The following SAMSN1 variants were observed in gnomAD, a reference collection of about 807,000 sequenced individuals.
SAMSN1 encodes the protein SAM domain-containing protein SAMSN-1.
SAMSN1 carries 31 observed loss-of-function variants against 42.0 expected under a neutral mutation model. The observed-to-expected ratio is 0.74, with a 90% CI of 0.55 to 1.00. The LOEUF (loss-of-function observed/expected upper bound fraction) is 1.00, where lower values mean the gene tolerates loss of function less well. Among genes scored for constraint, SAMSN1 ranks in the 50% least tolerant of loss-of-function variants. The pLI, the probability that SAMSN1 is intolerant of heterozygous loss-of-function variation, is 0.00. For missense variants in SAMSN1, 464 were observed against 439.4 expected, an observed-to-expected ratio of 1.06 and a Z score of -0.50; for synonymous variants, 178 against 151.9, an observed-to-expected ratio of 1.17 and a Z score of -1.26.
intron 2 of SAMSN1, among the ~76,000 whole-genome samples, chr21:14,637,556 CTGTT>C (rs1237403218): frequency 2.6e-5 from 4 of 152,142 alleles, no homozygotes; most frequent in South Asian, 2.1e-4. Context: ...GTTTGGGTAT[CTGTT>C]TGTCTTCAGG....
intron 2 of SAMSN1, among the ~76,000 whole-genome samples, chr21:14,580,453 C>T (rs138169064): frequency 2.5e-3 from 377 of 152,300 alleles, no homozygotes; most frequent in Non-Finnish European, 4.1e-3. Flanking sequence ...CTTGATCCTG[C>T]TTCTGAAGAT....
At chr21:14,655,839 C>T (rs1030177654) in intron 1 of SAMSN1, among the ~76,000 whole-genome samples, 2 of 151,690 alleles carry the variant, frequency 1.3e-5, no homozygotes, top group East Asian at 3.9e-4. Context: ...ATTATTTGTA[C>T]AGAAAATCTG....
upstream of SAMSN1, among the ~76,000 whole-genome samples, chr21:14,583,973 G>T (rs2822794): frequency 0.81 from 122,285 of 151,892 alleles, 49,540 homozygotes; most frequent in Admixed American, 0.85. Flanking sequence ...AACTGGCCAG[G>T]CATACTAAAG....
At chr21:14,539,172 G>A (rs1979835307) in intron 1 of SAMSN1, among the ~76,000 whole-genome samples, 1 of 152,184 alleles carries the variant, frequency 6.6e-6, no homozygotes, top group Non-Finnish European at 1.5e-5. Context: ...ATGAGTTACA[G>A]TTGTACTGAT....
chr21:14,647,480 G>T (rs1461730789), intron 1 of SAMSN1, among the ~76,000 whole-genome samples: 2 of 149,096 alleles, frequency 1.3e-5, no homozygotes, highest in African/African-American at 4.9e-5. Context: ...CTCTTTTTTG[G>T]TTCCCTATGA....
intron 1 of SAMSN1, among the ~76,000 whole-genome samples, chr21:14,545,089 T>G (rs1980300677): frequency 6.6e-6 from 1 of 152,174 alleles, no homozygotes; most frequent in South Asian, 2.1e-4. Context: ...AAACTAAAGA[T>G]GCTTGTCTAT....
intron 1 of SAMSN1, among the ~76,000 whole-genome samples, chr21:14,527,869 T>A (rs1282465646): frequency 6.6e-6 from 1 of 151,802 alleles, no homozygotes; most frequent in African/African-American, 2.4e-5. Context: ...AAGACCCAAA[T>A]GTACAACAAT....
chr21:14,658,377 C>T (rs1227994754), intron 1 of SAMSN1, among the ~76,000 whole-genome samples: 1 of 151,780 alleles, frequency 6.6e-6, no homozygotes, highest in Non-Finnish European at 1.5e-5. Context: ...ATTTTGATTC[C>T]TGGGATGTCT....
intron 7 of SAMSN1, chr21:14,592,161 C>T (rs1273613307): frequency 1.3e-5 from 2 of 152,152 alleles, no homozygotes; most frequent in Non-Finnish European, 2.9e-5. Context: ...GCGTAATATC[C>T]TCTGCTCTGA....
At chr21:14,574,905 C>T (rs1225386289) in intron 2 of SAMSN1, among the ~76,000 whole-genome samples, 2 of 152,088 alleles carry the variant, frequency 1.3e-5, no homozygotes, top group African/African-American at 4.8e-5. Flanking sequence ...AATGTGTTTG[C>T]ATGTCTGGCG....
In SAMSN1 at chr21:14,521,198, G is replaced by A. The variant is rs192978628; in HGVS notation, c.81C>T (p.Phe27=). The change falls in exon 2 of 8, where the codon TTC becomes TTT. Residue 27 remains phenylalanine, a synonymous_variant. Transcript: ENST00000400566. ...ATAAAGAATTATTCCGAAAACGATCGAAATTCCCAAAACTGCTGCTTCGCT... is the reference window on the plus strand; with the variant it reads ...ATAAAGAATTATTCCGAAAACGATCAAAATTCCCAAAACTGCTGCTTCGCT... The part of the protein sequence containing the change: ...KPKRSSSFGN[F]DRFRNNSLSK... 1.0e-4 allele frequency: 163 copies of A among 1,610,986 alleles called. No individual in the cohort carries two copies. In the African/African-American group the frequency reaches 1.7e-3, roughly 17 times the overall value.
chr21:14,509,518 C>G (rs1213021501), intron 5 of SAMSN1, among the ~76,000 whole-genome samples: 1 of 152,182 alleles, frequency 6.6e-6, no homozygotes, highest in African/African-American at 2.4e-5. Context: ...CCAAACACCC[C>G]TGTTCCCCAA....
At chr21:14,568,790 T>C (rs1177736968) in intron 2 of SAMSN1, among the ~76,000 whole-genome samples, 1 of 152,200 alleles carries the variant, frequency 6.6e-6, no homozygotes, top group Non-Finnish European at 1.5e-5. Context: ...TAAAAGGGAA[T>C]CTAGTGTCTT....
At chr21:14,614,583 T>C (rs150997723) in intron 3 of SAMSN1, among the ~76,000 whole-genome samples, 332 of 152,320 alleles carry the variant, frequency 2.2e-3, no homozygotes, top group Non-Finnish European at 3.6e-3. Context: ...ATATTCTTGA[T>C]AGTAATTAAA....
intron 4 of SAMSN1, among the ~76,000 whole-genome samples, chr21:14,511,048 G>T (rs959738637): frequency 6.6e-6 from 1 of 152,150 alleles, no homozygotes; most frequent in Non-Finnish European, 1.5e-5. Flanking sequence ...TTTGTCACCT[G>T]TCTGGGAACA....
intron 2 of SAMSN1, among the ~76,000 whole-genome samples, chr21:14,578,460 A>G (rs7276949): frequency 0.9 from 136,070 of 151,910 alleles, 61,496 homozygotes; most frequent in African/African-American, 0.98. Flanking sequence ...GACACCAAGC[A>G]GATCACAAGG....
upstream of SAMSN1, chr21:14,583,419 A>G (rs1208460674): frequency 8.6e-6 from 4 of 467,526 alleles, no homozygotes; most frequent in Admixed American, 1.5e-4. Context: ...GCTCTCTCTC[A>G]CTGTGTCTCG....
chr21:14,608,338 C>T (rs1418042246), intron 5 of SAMSN1, among the ~76,000 whole-genome samples: 1 of 152,194 alleles, frequency 6.6e-6, no homozygotes, highest in East Asian at 1.9e-4. Context: ...TGGGACTTTG[C>T]ATTGACCTCA....
intron 1 of SAMSN1, among the ~76,000 whole-genome samples, chr21:14,648,968 C>A (rs1280398244): frequency 2.0e-5 from 3 of 151,586 alleles, no homozygotes; most frequent in East Asian, 3.9e-4. Flanking sequence ...GACACATGCA[C>A]ACGTATGTTT....
Sources: gnomAD v4.1 joint callset for allele counts (sites outside exome capture counted in the v4.1 genomes callset) on GRCh38, gnomAD v4.1.1 for gene constraint, MANE v1.5 for transcripts, NCBI Gene and HGNC (gene_info 2026-07-23, HGNC 2026-07-21) for gene names.